Variants in ANK1 observed in about 807,000 individuals in gnomAD.
ANK1 encodes ankyrin 1.
Under a neutral mutation model 210.4 loss-of-function variants are expected in ANK1, and 51 were observed. The ratio of observed to expected loss-of-function variants is 0.24; its 90% confidence interval spans 0.19 to 0.31. The LOEUF is 0.31. ANK1 is among the 10% of genes least tolerant of loss of function. ANK1 has a pLI of 1.00. For synonymous variants in ANK1, 967 were observed against 1,025.9 expected, an observed-to-expected ratio of 0.94 and a Z score of 1.10; for missense variants, 2,051 against 2,504.4, an observed-to-expected ratio of 0.82 and a Z score of 3.86.
chr8:41,789,492 C>T (rs1034402629), intron 1 of ANK1, among the ~76,000 whole-genome samples: 3 of 152,204 alleles, frequency 2.0e-5, no homozygotes, highest in African/African-American at 7.2e-5. Context: ...GGAGGTCAGG[C>T]ACTCTGGCTG....
intron 1 of ANK1, among the ~76,000 whole-genome samples, chr8:41,772,163 A>G (rs1843090611): frequency 6.6e-6 from 1 of 152,148 alleles, no homozygotes. Context: ...CTCCTATGCA[A>G]TCAACTCAAA....
At chr8:41,853,956 G>C (rs1252464463) in intron 1 of ANK1, among the ~76,000 whole-genome samples, 1 of 152,156 alleles carries the variant, frequency 6.6e-6, no homozygotes, top group Non-Finnish European at 1.5e-5. Flanking sequence ...GGCTAATGAA[G>C]AACTACTCCG....
chr8:41,675,249 A>G (rs1278099297), intron 37 of ANK1, among the ~76,000 whole-genome samples: 1 of 152,136 alleles, frequency 6.6e-6, no homozygotes, highest in African/African-American at 2.4e-5. Context: ...GGTATGCGCC[A>G]TGACGCCTGG....
intron 1 of ANK1, among the ~76,000 whole-genome samples, chr8:41,785,932 C>T (rs1357131639): frequency 6.6e-6 from 1 of 152,202 alleles, no homozygotes; most frequent in Non-Finnish European, 1.5e-5. Flanking sequence ...GCAGCGTTGT[C>T]ATCAGCGGTA....
At chr8:41,727,567 C>T (rs1831034704) in intron 4 of ANK1, among the ~76,000 whole-genome samples, 2 of 152,212 alleles carry the variant, frequency 1.3e-5, no homozygotes, top group South Asian at 4.1e-4. Flanking sequence ...AGGTCAGTCT[C>T]TTCAGCTCAC....
intron 1 of ANK1, among the ~76,000 whole-genome samples, chr8:41,833,567 AAAAG>A (rs1309585588): frequency 9.9e-5 from 15 of 152,224 alleles, no homozygotes; most frequent in African/African-American, 3.4e-4. Flanking sequence ...GGGAGTTGTG[AAAAG>A]AAAGAAAGCC....
chr8:41,727,468 C>A, intron 4 of ANK1, 120 bp from the exon 5 acceptor site: 2 of 771,136 alleles, frequency 2.6e-6, no homozygotes, highest in Non-Finnish European at 4.5e-6. Context: ...TCCCACCTGA[C>A]CCCTCCTAAG....
rs1805348677 is a variant in ANK1, at chr8:41,655,492, C to G, written c.*298G>C. 4 of 532,962 alleles carry G rather than the reference C, an allele frequency of 7.5e-6. No homozygotes were observed. The Admixed American group carries it at 1.3e-4, about 17-fold the overall frequency. The allele number at this position is 532,962 out of a possible 1,614,324, so 33.0% of individuals were successfully genotyped here. A position where few individuals can be genotyped will look rare whatever the true frequency, so the allele number is the denominator to read the frequency against. On this transcript the variant is annotated 3_prime_UTR_variant, in exon 43 of 43. Transcript: ENST00000289734. ...TCTCCTGCGCTTGTTTTCTATCCCT[C>G]TCTCTCCCCGCTTCTTGCTGCTTTT...
intron 1 of ANK1, among the ~76,000 whole-genome samples, chr8:41,859,948 T>C (rs1812961850): frequency 6.6e-6 from 1 of 151,734 alleles, no homozygotes. Context: ...TCTGTTGACC[T>C]CTGCCACCAA....
At position 41,655,518 on chromosome 8, in the gene ANK1, G is replaced by C; in HGVS notation, c.*272C>G. On this transcript the variant is annotated 3_prime_UTR_variant, in exon 43 of 43. Coordinates refer to ENST00000289734, the MANE Select transcript of ANK1 (RefSeq NM_000037.4). Reference sequence around the variant, plus strand: ...TCTCTCCCCGCTTCTTGCTGCTTTTGTGTCCTGGTTCCGACAGATCAGCTG... The same window carrying C: ...TCTCTCCCCGCTTCTTGCTGCTTTTCTGTCCTGGTTCCGACAGATCAGCTG... 1 of 572,138 alleles carries C rather than the reference G, an allele frequency of 1.7e-6. No homozygotes were observed. The allele number at this position is 572,138 out of a possible 1,614,324, so 35.4% of individuals were successfully genotyped here.
intron 3 of ANK1, among the ~76,000 whole-genome samples, chr8:41,733,473 G>A (rs17661508): frequency 0.021 from 3,152 of 152,232 alleles, 48 homozygotes; most frequent in Non-Finnish European, 0.034. Context: ...AGTAGTAAAT[G>A]CATCCATCCA....
At chr8:41,685,722 C>T (rs1481681694) in intron 36 of ANK1, among the ~76,000 whole-genome samples, 1 of 152,208 alleles carries the variant, frequency 6.6e-6, no homozygotes, top group African/African-American at 2.4e-5. Flanking sequence ...TCAGCCTTGA[C>T]CTCCCAGGCT....
At chr8:41,864,263 A>T (rs540504172) in intron 1 of ANK1, among the ~76,000 whole-genome samples, 36 of 152,078 alleles carry the variant, frequency 2.4e-4, no homozygotes, top group African/African-American at 8.7e-4. Context: ...AAAAAAAAAA[A>T]AAAAGGGTAC....
intron 1 of ANK1, among the ~76,000 whole-genome samples, chr8:41,820,202 C>T (rs1189133552): frequency 6.6e-6 from 1 of 151,946 alleles, no homozygotes; most frequent in African/African-American, 2.4e-5. Flanking sequence ...CTCTGTCACC[C>T]AGGCTGGAAT....
Position 41,704,360 on chromosome 8 carries a change from G to C in ANK1, c.2196+14C>G. 1 of 1,611,882 alleles carries C rather than the reference G, an allele frequency of 6.2e-7. No individual in the cohort carries two copies. Among genetic ancestry groups the C allele is most frequent in the Non-Finnish European group, 8.5e-7 (1 of 1,178,064 alleles). On this transcript the variant is annotated intron_variant, in intron 19 of 42. Coordinates refer to ENST00000289734, the MANE Select transcript of ANK1 (RefSeq NM_000037.4). This position sits in a 1 kb window ranked among gnomAD's most constrained non-coding sequence, Gnocchi z 4.1. ...AGGGTCAGTGCAGGAGTCGGGGCTG[G>C]GGCACCCCTGTACCTTGGTCTTGGC... is the stretch of plus-strand genomic sequence containing the variant.
intron 1 of ANK1, among the ~76,000 whole-genome samples, chr8:41,872,095 A>G (rs1210815939): frequency 6.6e-6 from 1 of 152,230 alleles, no homozygotes; most frequent in East Asian, 1.9e-4. Flanking sequence ...GAAACAGACG[A>G]GCCAGCATTG....
intron 17 of ANK1, among the ~76,000 whole-genome samples, chr8:41,707,081 C>A (rs1824791895): frequency 6.6e-6 from 1 of 152,202 alleles, no homozygotes; most frequent in Admixed American, 6.5e-5. Flanking sequence ...GCCTAGGTGA[C>A]AGAGCAAGAC....
At chr8:41,783,215 G>C (rs1047703320) in intron 1 of ANK1, among the ~76,000 whole-genome samples, 2 of 152,198 alleles carry the variant, frequency 1.3e-5, no homozygotes, top group Non-Finnish European at 2.9e-5. Flanking sequence ...GAAGGAGATC[G>C]TTTCGAAAGT....
At chr8:41,725,665 C>T in intron 6 of ANK1, 96 bp downstream of exon 6, 1 of 1,508,438 alleles carries the variant, frequency 6.6e-7, no homozygotes, top group Non-Finnish European at 8.9e-7. Context: ...CCTGCACGCT[C>T]GGTTCTCCTG....
Sources: allele counts gnomAD v4.1 joint callset (sites outside exome capture counted in the v4.1 genomes callset), GRCh38; gene constraint gnomAD v4.1.1; non-coding constraint Gnocchi (gnomAD v3.1); transcripts MANE v1.5; gene names NCBI Gene and HGNC (gene_info 2026-07-23, HGNC 2026-07-21).